Variants in GALNT13 observed in about 807,000 individuals in gnomAD.
GALNT13 encodes the protein polypeptide N-acetylgalactosaminyltransferase 13.
GALNT13 carries 28 observed loss-of-function variants against 64.2 expected under a neutral mutation model. The ratio of observed to expected loss-of-function variants is 0.44; its 90% CI spans 0.32 to 0.60. The LOEUF (loss-of-function observed/expected upper bound fraction) is 0.60. Among genes scored for constraint, GALNT13 ranks in the 20% least tolerant of loss-of-function variants. The probability of loss-of-function intolerance (pLI) is 0.05; values close to 1 mark genes in which losing one functional copy is unlikely to be tolerated. For synonymous variants in GALNT13, 214 were observed against 224.6 expected (o/e 0.95, Z 0.42); for missense variants, 577 against 669.8 (o/e 0.86, Z 1.53).
At chr2:154,181,133 C>G (rs939515513) in intron 4 of GALNT13, among the ~76,000 whole-genome samples, 2 of 152,090 alleles carry the variant, frequency 1.3e-5, no homozygotes, top group African/African-American at 4.8e-5. Context: ...CCCATTGATA[C>G]CAAGGAATGA....
chr2:154,438,919 A>G (rs1170901738), intron 12 of GALNT13, among the ~76,000 whole-genome samples, 193 bp downstream of exon 12: 2 of 152,158 alleles, frequency 1.3e-5, no homozygotes, highest in African/African-American at 2.4e-5. Context: ...GTCCATTAAT[A>G]TAAAATATGA....
At chr2:154,441,690 T>C (rs1701305475) in intron 12 of GALNT13, 1 of 152,016 alleles carries the variant, frequency 6.6e-6, no homozygotes, top group South Asian at 2.1e-4. Flanking sequence ...CCTTTCAATC[T>C]TAGAAAAGAA....
At chr2:153,535,518 T>A in the GALNT13 span, among the ~76,000 whole-genome samples, 1 of 152,128 alleles carries the variant, frequency 6.6e-6, no homozygotes, top group Non-Finnish European at 1.5e-5. Flanking sequence ...ATAGTAGGGA[T>A]GACAAGTTTT....
At chr2:153,533,732 T>TTTTTTTTTTTTTTTTTTTTTTTG in the GALNT13 span, among the ~76,000 whole-genome samples, 2 of 109,324 alleles carry the variant, frequency 1.8e-5, no homozygotes, top group Non-Finnish European at 4.1e-5. Flanking sequence ...TCTTTTTTTT[T>TTTTTTTTTTTTTTTTTTTTTTTG]TTTTTTTTTT....
At chr2:154,312,328 G>GT (rs202077040) in intron 9 of GALNT13, among the ~76,000 whole-genome samples, 10 of 152,074 alleles carry the variant, frequency 6.6e-5, no homozygotes, top group East Asian at 1.9e-4. Flanking sequence ...CAGATAATCT[G>GT]TTTTTTTTCC....
chr2:154,435,957 T>C (rs1272326346), intron 11 of GALNT13: 1 of 152,148 alleles, frequency 6.6e-6, no homozygotes, highest in Non-Finnish European at 1.5e-5. Context: ...AATTTCCAGA[T>C]AAAATCAAGA....
chr2:154,293,408 C>A (rs923824235), intron 8 of GALNT13, among the ~76,000 whole-genome samples: 1 of 152,054 alleles, frequency 6.6e-6, no homozygotes, highest in Non-Finnish European at 1.5e-5. Flanking sequence ...GAATAAAATT[C>A]TTTTTAAAAA....
At chr2:153,785,535 G>C in the GALNT13 span, among the ~76,000 whole-genome samples, 4 of 152,306 alleles carry the variant, frequency 2.6e-5, no homozygotes, top group East Asian at 7.8e-4. Flanking sequence ...CCCCAATCCA[G>C]TATCTCCCTA....
chr2:154,416,842 T>C (rs759762371), intron 11 of GALNT13, among the ~76,000 whole-genome samples: 1 of 152,154 alleles, frequency 6.6e-6, no homozygotes, highest in Admixed American at 6.5e-5. Context: ...TCTTCACATT[T>C]TATTTTTCTG....
chr2:153,877,826 C>G (rs1205301344), intron 1 of GALNT13, among the ~76,000 whole-genome samples: 1 of 152,108 alleles, frequency 6.6e-6, no homozygotes. Flanking sequence ...GATAAAGTGG[C>G]TAAAATTCGT....
In GALNT13 at chr2:154,265,850, T is replaced by C. The variant is rs150627802; in HGVS notation, c.975+6712T>C. ...AAAAATTAATATTCCTGGTAAACAT[T>C]GATGCAGAAATTCTAAATAAAATTA... On this transcript the variant is annotated intron_variant, in intron 8 of 12. Coordinates refer to ENST00000392825, the MANE Select transcript of GALNT13 (RefSeq NM_052917.4). 2.5e-3 allele frequency among the ~76,000 whole-genome samples: 384 copies of C among 152,300 alleles called. 3 individuals carry two copies. The East Asian group carries it at 0.037, about 15-fold the overall frequency.
the GALNT13 span, among the ~76,000 whole-genome samples, chr2:153,663,797 A>C: frequency 2.0e-5 from 3 of 152,198 alleles, no homozygotes; most frequent in African/African-American, 4.8e-5. Flanking sequence ...ATTCTTTCTC[A>C]GTGCCAGATT....
the GALNT13 span, among the ~76,000 whole-genome samples, chr2:153,338,706 CA>C: frequency 6.6e-6 from 1 of 152,242 alleles, no homozygotes; most frequent in Non-Finnish European, 1.5e-5. Flanking sequence ...CCACAATGTA[CA>C]ATAGAGCTCT....
At chr2:154,141,449 T>C (rs1192832388) in intron 4 of GALNT13, among the ~76,000 whole-genome samples, 2 of 152,162 alleles carry the variant, frequency 1.3e-5, no homozygotes. Flanking sequence ...ATTCTATTAG[T>C]TTTTTTCCAT....
the GALNT13 span, among the ~76,000 whole-genome samples, chr2:153,261,971 T>C: frequency 6.6e-6 from 1 of 152,176 alleles, no homozygotes; most frequent in Non-Finnish European, 1.5e-5. Flanking sequence ...GGCTCCCCTT[T>C]GGCTTAGGGA....
At chr2:154,269,000 A>C (rs78173662) in intron 8 of GALNT13, among the ~76,000 whole-genome samples, 6,232 of 152,182 alleles carry the variant, frequency 0.041, 190 homozygotes, top group Non-Finnish European at 0.059. Context: ...TGAAAACAAT[A>C]GTGTATTTAC....
intron 3 of GALNT13, among the ~76,000 whole-genome samples, chr2:154,116,655 A>G (rs73003251): frequency 0.053 from 8,003 of 152,236 alleles, 314 homozygotes; most frequent in East Asian, 0.13. Context: ...TGGAATGTCA[A>G]ATGCATTTAG....
chr2:153,588,868 T>C, the GALNT13 span, among the ~76,000 whole-genome samples: 2 of 152,204 alleles, frequency 1.3e-5, no homozygotes, highest in Non-Finnish European at 2.9e-5. Context: ...ATTTGCTGCT[T>C]AGAAATTTCT....
chr2:153,808,286 C>T, the GALNT13 span, among the ~76,000 whole-genome samples: 1 of 151,968 alleles, frequency 6.6e-6, no homozygotes, highest in Non-Finnish European at 1.5e-5. Context: ...CTATTTTTTT[C>T]CCACGACATT....
Sources: allele counts gnomAD v4.1 joint callset (sites outside exome capture counted in the v4.1 genomes callset), GRCh38; gene constraint gnomAD v4.1.1; transcripts MANE v1.5; gene names NCBI Gene and HGNC (gene_info 2026-07-23, HGNC 2026-07-21).